Variants in MAGI3 observed in about 807,000 individuals in gnomAD.
MAGI3 encodes membrane associated guanylate kinase, WW and PDZ domain containing 3.
Under a neutral mutation model 121.8 loss-of-function variants are expected in MAGI3, and 43 were observed. The observed-to-expected ratio is 0.35, with a 90% CI of 0.28 to 0.46. MAGI3 has a LOEUF of 0.46. MAGI3 is among the 20% of genes least tolerant of loss of function. The probability of loss-of-function intolerance (pLI) is 1.00; values close to 1 mark genes in which losing one functional copy is unlikely to be tolerated. For missense variants in MAGI3, 1,547 were observed against 1,797.3 expected, an observed-to-expected ratio of 0.86 and a Z score of 2.52; for synonymous variants, 553 against 639.3, an observed-to-expected ratio of 0.86 and a Z score of 2.04.
At chr1:113,625,982 G>GT (rs1651214280) in intron 9 of MAGI3, among the ~76,000 whole-genome samples, 1 of 151,822 alleles carries the variant, frequency 6.6e-6, no homozygotes, top group African/African-American at 2.4e-5. Flanking sequence ...GTTTTGTTTT[G>GT]TTTTTTAGAC....
At chr1:113,636,829 G>T (rs1011703105) in intron 9 of MAGI3, among the ~76,000 whole-genome samples, 3 of 152,016 alleles carry the variant, frequency 2.0e-5, no homozygotes, top group African/African-American at 7.3e-5. Flanking sequence ...ACAGTGGGGT[G>T]TTAAAGTCTC....
intron 6 of MAGI3, among the ~76,000 whole-genome samples, chr1:113,599,872 C>G (rs1318966223): frequency 6.6e-6 from 1 of 151,934 alleles, no homozygotes; most frequent in African/African-American, 2.4e-5. Context: ...GCTTATCCAC[C>G]GTGATCAAGT....
intron 19 of MAGI3, among the ~76,000 whole-genome samples, chr1:113,678,690 TTTATC>T (rs1648026877): frequency 2.0e-5 from 3 of 152,200 alleles, no homozygotes; most frequent in Admixed American, 6.5e-5. Flanking sequence ...ATAATCATGT[TTTATC>T]TTAAGTCCTC....
At chr1:113,475,829 A>G (rs535658284) in intron 1 of MAGI3, among the ~76,000 whole-genome samples, 1 of 152,322 alleles carries the variant, frequency 6.6e-6, no homozygotes, top group East Asian at 1.9e-4. Flanking sequence ...TACCTCTGGT[A>G]GAATTCGGCT....
chr1:113,581,929 GT>G (rs575147626), intron 3 of MAGI3, among the ~76,000 whole-genome samples: 193 of 150,990 alleles, frequency 1.3e-3, no homozygotes, highest in African/African-American at 4.2e-3. Flanking sequence ...TGCTTTTGAA[GT>G]TTTTTTTTGT....
chr1:113,514,339 A>G (rs577928996), intron 1 of MAGI3, among the ~76,000 whole-genome samples: 52 of 152,264 alleles, frequency 3.4e-4, no homozygotes, highest in Middle Eastern at 3.4e-3. Context: ...TGTTTATTGC[A>G]GCACTATTCA....
At chr1:113,671,272 T>G (rs1278835938) in intron 16 of MAGI3, among the ~76,000 whole-genome samples, 1 of 152,174 alleles carries the variant, frequency 6.6e-6, no homozygotes. Context: ...GCTCCTATAT[T>G]GAAGATGCAG....
chr1:113,673,557 C>A lies in MAGI3; in HGVS notation c.3189+92C>A, dbSNP rs1647691444. ...AATTGATTTAAAGGGAATGCAGGAA[C>A]CTCCTAAATCTAAAAAGCAGGATTT... On this transcript the variant is annotated intron_variant, in intron 19 of 20. Transcript: ENST00000307546. The A allele has an allele frequency of 4.5e-6, 6 of 1,334,164 alleles. No individual in the cohort carries two copies. In the South Asian group the frequency reaches 5.4e-5, roughly 12 times the overall value. The allele number at this position is 1,334,164 out of a possible 1,614,324, so 82.6% of individuals were successfully genotyped here. A position where few individuals can be genotyped will look rare whatever the true frequency, so the allele number is the denominator to read the frequency against.
intron 20 of MAGI3, 134 bp from the exon 21 acceptor site, chr1:113,682,763 A>G (rs769021002): frequency 6.2e-5 from 88 of 1,428,616 alleles, no homozygotes; most frequent in Non-Finnish European, 7.8e-5. Context: ...TGTTGTAAAC[A>G]TATACAAACT....
intron 2 of MAGI3, among the ~76,000 whole-genome samples, chr1:113,574,884 C>A (rs1647525295): frequency 6.6e-6 from 1 of 151,980 alleles, no homozygotes; most frequent in Non-Finnish European, 1.5e-5. Context: ...TTTGTTTGTT[C>A]CTTTTCATTC....
intron 6 of MAGI3, among the ~76,000 whole-genome samples, chr1:113,599,929 A>G (rs888235327): frequency 4.1e-4 from 63 of 152,316 alleles, no homozygotes; most frequent in Admixed American, 1.9e-3. Context: ...ACGCAAATCA[A>G]TGAATGTAAT....
At chr1:113,509,252 A>C (rs1345387254) in intron 1 of MAGI3, among the ~76,000 whole-genome samples, 2 of 151,600 alleles carry the variant, frequency 1.3e-5, no homozygotes, top group East Asian at 1.9e-4. Context: ...AAAATGAATG[A>C]CTCCGTAGTT....
intron 1 of MAGI3, among the ~76,000 whole-genome samples, chr1:113,411,569 G>A (rs1298097740): frequency 2.0e-5 from 3 of 151,910 alleles, no homozygotes; most frequent in Non-Finnish European, 2.9e-5. Flanking sequence ...GAAATGATAT[G>A]TTTTAAGTCA....
At chr1:113,484,312 C>A (rs1656246819) in intron 1 of MAGI3, among the ~76,000 whole-genome samples, 1 of 151,972 alleles carries the variant, frequency 6.6e-6, no homozygotes, top group Non-Finnish European at 1.5e-5. Flanking sequence ...TGAATAAGTT[C>A]TTTAGTGGTG....
At chr1:113,558,852 A>G (rs1446712472) in intron 2 of MAGI3, among the ~76,000 whole-genome samples, 1 of 152,204 alleles carries the variant, frequency 6.6e-6, no homozygotes, top group Non-Finnish European at 1.5e-5. Context: ...GCCACCAGAT[A>G]AAAACAGTGG....
At chr1:113,572,606 C>G (rs914814645) in intron 2 of MAGI3, among the ~76,000 whole-genome samples, 1 of 152,136 alleles carries the variant, frequency 6.6e-6, no homozygotes, top group African/African-American at 2.4e-5. Context: ...TCGACTTCTT[C>G]CTGGTTTAGT....
At chr1:113,605,349 G>A (rs1331553640) in intron 6 of MAGI3, among the ~76,000 whole-genome samples, 1 of 152,092 alleles carries the variant, frequency 6.6e-6, no homozygotes, top group Non-Finnish European at 1.5e-5. Flanking sequence ...CAATAATATG[G>A]ATGAGTCTCA....
At chr1:113,584,884 C>A (rs1414670117) in intron 3 of MAGI3, among the ~76,000 whole-genome samples, 3 of 151,508 alleles carry the variant, frequency 2.0e-5, no homozygotes, top group East Asian at 1.9e-4. Context: ...GAAATTAGTT[C>A]TTTCCCCTAT....
intron 1 of MAGI3, among the ~76,000 whole-genome samples, chr1:113,487,036 G>A (rs1656415282): frequency 6.6e-6 from 1 of 152,074 alleles, no homozygotes. Flanking sequence ...TACGAATTAG[G>A]GGAAGGTTTC....
Sources: gnomAD v4.1 joint callset for allele counts (sites outside exome capture counted in the v4.1 genomes callset) on GRCh38, gnomAD v4.1.1 for gene constraint, MANE v1.5 for transcripts, NCBI Gene and HGNC (gene_info 2026-07-23, HGNC 2026-07-21) for gene names.